The following ACADL variants were observed in gnomAD, a reference collection of about 807,000 sequenced individuals.
ACADL encodes the protein long-chain specific acyl-CoA dehydrogenase, mitochondrial.
A neutral mutation model predicts 56.9 loss-of-function variants in ACADL; 60 were observed. The ratio of observed to expected loss-of-function variants is 1.05; its 90% CI spans 0.86 to 1.31. The LOEUF is 1.31. Ranked by LOEUF, ACADL falls within the 50% of genes most tolerant of loss-of-function variation. The pLI, the probability that ACADL is intolerant of heterozygous loss-of-function variation, is 0.00. For missense variants in ACADL, 484 were observed against 525.5 expected, an observed-to-expected ratio of 0.92 and a Z score of 0.77; for synonymous variants, 158 against 179.7, an observed-to-expected ratio of 0.88 and a Z score of 0.97.
At chr2:210,210,563 A>C (rs1295247092) in intron 4 of ACADL, among the ~76,000 whole-genome samples, 1 of 152,138 alleles carries the variant, frequency 6.6e-6, no homozygotes, top group Non-Finnish European at 1.5e-5. Context: ...AACATTTCAA[A>C]CCTCACTGTA....
Position 210,225,250 on chromosome 2 carries a change from A to G in ACADL, c.14T>C (p.Leu5Pro). The change falls in exon 1 of 11, where the codon CTT becomes CCT. Residue 5 changes from leucine to proline, a missense_variant. Leu to Pro is a moderately conservative substitution (Grantham distance 98). Transcript: ENST00000233710. The part of the protein sequence containing the change: MAAR[L>P]LRGSLRVLGG... Reference sequence around the variant, plus strand: ...CAGGACGCGTAGGGACCCTCGGAGAAGGCGTGCGGCCATGTCCGAAACACA... The same window carrying G: ...CAGGACGCGTAGGGACCCTCGGAGAGGGCGTGCGGCCATGTCCGAAACACA... 1.3e-6 allele frequency: 2 copies of G among 1,557,890 alleles called. No individual in the cohort carries two copies. The highest frequency in any genetic ancestry group is 2.3e-5 in the South Asian group (2 of 85,178).
intron 8 of ACADL, among the ~76,000 whole-genome samples, chr2:210,201,233 T>C (rs1447520008): frequency 6.6e-6 from 1 of 152,182 alleles, no homozygotes; most frequent in Non-Finnish European, 1.5e-5. Context: ...TCTTTCACTT[T>C]GCTGAGAGTT....
intron 5 of ACADL, among the ~76,000 whole-genome samples, chr2:210,206,806 G>A (rs966141646): frequency 6.6e-6 from 1 of 151,210 alleles, no homozygotes; most frequent in African/African-American, 2.4e-5. Context: ...CTTTTTTTTA[G>A]AGACAGGGTC....
chr2:210,218,123 A>C, intron 2 of ACADL, 21 bp from the exon 3 acceptor site: 2 of 1,596,000 alleles, frequency 1.3e-6, no homozygotes, highest in African/African-American at 2.7e-5. Flanking sequence ...CAAATATTTT[A>C]AATTCAGATA....
Position 210,188,146 on chromosome 2 carries a change from C to T in ACADL, c.*815G>A, listed in dbSNP as rs1298781469. ...GTTTTGTTTGTCATCATTGTATTAA[C>T]AGCCTGGTTTATAGAAGACATAAAG... On this transcript the variant is annotated 3_prime_UTR_variant, in exon 11 of 11. Transcript: ENST00000233710. The T allele has an allele frequency of 1.3e-5, 2 of 152,242 alleles. No individual in the cohort carries two copies. Among genetic ancestry groups the T allele is most frequent in the East Asian group, 3.9e-4 (2 of 5,190 alleles). The allele number at this position is 152,242 out of a possible 1,614,324, so 9.4% of individuals were successfully genotyped here.
intron 5 of ACADL, among the ~76,000 whole-genome samples, chr2:210,206,159 C>T (rs1431670698): frequency 2.0e-5 from 3 of 151,904 alleles, no homozygotes; most frequent in Non-Finnish European, 2.9e-5. Flanking sequence ...AAAATCTGGC[C>T]GGGCCCGGTG....
At chr2:210,220,199 A>G (rs1410754043) in intron 2 of ACADL, among the ~76,000 whole-genome samples, 2 of 152,180 alleles carry the variant, frequency 1.3e-5, no homozygotes, top group African/African-American at 4.8e-5. Context: ...GCAAAATCTT[A>G]TTGTAATAGA....
Position 210,225,267 on chromosome 2 carries a change from CG to C in ACADL, c.-5del. 6.4e-7 allele frequency: 1 copy of C among 1,555,468 alleles called. No individual in the cohort carries two copies. Among genetic ancestry groups the C allele is most frequent in the Non-Finnish European group, 8.6e-7 (1 of 1,156,594 alleles). On this transcript the variant is annotated 5_prime_UTR_variant, in exon 1 of 11. Transcript: ENST00000233710. ...CTCGGAGAAGGCGTGCGGCCATGTC[CG>C]AAACACAGGGGCGGCGGGGCGACGG...
Position 210,188,011 on chromosome 2 carries a change from TTTA to T in ACADL, c.*947_*949del, listed in dbSNP as rs1456448519. On this transcript the variant is annotated 3_prime_UTR_variant, in exon 11 of 11. Coordinates refer to ENST00000233710, the MANE Select transcript of ACADL (RefSeq NM_001608.4). ...TCACTTTTGAATTTTAAATGCTTAC[TTTA>T]TTATTTACATTGCACTTATGCTTGA... The T allele has an allele frequency of 1.3e-5, 2 of 152,230 alleles. No homozygotes were observed. Among genetic ancestry groups the T allele is most frequent in the African/African-American group, 4.8e-5 (2 of 41,460 alleles). The allele number at this position is 152,230 out of a possible 1,614,324, so 9.4% of individuals were successfully genotyped here. A position where few individuals can be genotyped will look rare whatever the true frequency, so the allele number is the denominator to read the frequency against.
chr2:210,224,549 GTCAC>G, intron 1 of ACADL: 2 of 985,382 alleles, frequency 2.0e-6, no homozygotes, highest in Non-Finnish European at 2.4e-6. Flanking sequence ...CACCTTAGTA[GTCAC>G]TGAACTACTT....
chr2:210,214,705 T>C (rs556508627), intron 4 of ACADL, among the ~76,000 whole-genome samples: 1 of 152,360 alleles, frequency 6.6e-6, no homozygotes, highest in African/African-American at 2.4e-5. Flanking sequence ...AGAGCTAATA[T>C]GCAATGAGCT....
At chr2:210,189,589 T>C (rs1688599713) in intron 10 of ACADL, among the ~76,000 whole-genome samples, 1 of 152,150 alleles carries the variant, frequency 6.6e-6, no homozygotes. Context: ...TTGGAAATGG[T>C]TAATAGTCAC....
chr2:210,198,100 G>A (rs1022331328), intron 8 of ACADL, among the ~76,000 whole-genome samples: 3 of 152,118 alleles, frequency 2.0e-5, no homozygotes, highest in Non-Finnish European at 4.4e-5. Flanking sequence ...GGTCATAGCA[G>A]TATTTTTAAG....
intron 9 of ACADL, among the ~76,000 whole-genome samples, 168 bp downstream of exon 9, chr2:210,195,043 C>T (rs1325102675): frequency 6.6e-6 from 1 of 152,122 alleles, no homozygotes; most frequent in African/African-American, 2.4e-5. Context: ...GCACATTATA[C>T]ATATGCTTAA....
intron 2 of ACADL, among the ~76,000 whole-genome samples, chr2:210,219,770 AAC>A (rs1468018883): frequency 2.6e-5 from 4 of 152,144 alleles, no homozygotes; most frequent in Admixed American, 1.3e-4. Flanking sequence ...GTATCCATAT[AAC>A]CATTTTGTTT....
intron 1 of ACADL, among the ~76,000 whole-genome samples, chr2:210,223,095 A>C (rs896126300): frequency 2.0e-5 from 3 of 152,204 alleles, no homozygotes; most frequent in Admixed American, 2.0e-4. Context: ...TGTTAAGGAA[A>C]TCTCTGCAAT....
At chr2:210,214,513 G>GAAAGAAAGAA (rs1238872705) in intron 4 of ACADL, among the ~76,000 whole-genome samples, 127 of 147,896 alleles carry the variant, frequency 8.6e-4, no homozygotes, top group Middle Eastern at 3.5e-3. Flanking sequence ...GAAAGAAAAA[G>GAAAGAAAGAA]AAAGAAAGAA....
intron 5 of ACADL, among the ~76,000 whole-genome samples, chr2:210,208,234 G>A (rs931617400): frequency 6.6e-6 from 1 of 152,192 alleles, no homozygotes; most frequent in African/African-American, 2.4e-5. Context: ...TAGAAAGGAA[G>A]GGAGGAGAAA....
At chr2:210,197,074 C>T (rs1688721350) in intron 8 of ACADL, among the ~76,000 whole-genome samples, 1 of 152,110 alleles carries the variant, frequency 6.6e-6, no homozygotes. Flanking sequence ...TGTAAAAAGA[C>T]CCAGGACCAA....
Sources: allele counts gnomAD v4.1 joint callset (sites outside exome capture counted in the v4.1 genomes callset), GRCh38; gene constraint gnomAD v4.1.1; transcripts MANE v1.5; gene names NCBI Gene and HGNC (gene_info 2026-07-23, HGNC 2026-07-21).